The following NRCAM variants were observed in gnomAD, a reference collection of about 807,000 sequenced individuals.
The protein encoded by NRCAM is neuronal cell adhesion molecule.
In NRCAM, 83 loss-of-function variants were observed where a neutral mutation model predicts 156.5. The ratio of observed to expected loss-of-function variants is 0.53; its 90% CI spans 0.44 to 0.64. The LOEUF (loss-of-function observed/expected upper bound fraction) is 0.64. Ranked by LOEUF, NRCAM falls within the 30% of genes least tolerant of loss-of-function variation. The pLI is 0.00. For synonymous variants in NRCAM, 538 were observed against 563.9 expected (o/e 0.95, Z 0.65); for missense variants, 1,417 against 1,597.3 (o/e 0.89, Z 1.92).
At chr7:108,153,222 A>C (rs762869756) in intron 32 of NRCAM, among the ~76,000 whole-genome samples, 17 of 152,202 alleles carry the variant, frequency 1.1e-4, no homozygotes, top group Non-Finnish European at 2.4e-4. Context: ...AACCAAATTT[A>C]GCAATCTATG....
intron 2 of NRCAM, among the ~76,000 whole-genome samples, chr7:108,356,937 T>G (rs945914885): frequency 1.1e-4 from 16 of 152,288 alleles, no homozygotes; most frequent in Admixed American, 9.8e-4. Context: ...CATGATGGAA[T>G]TAGTGCCTTC....
intron 1 of NRCAM, among the ~76,000 whole-genome samples, chr7:108,445,465 GATAC>G (rs1843172759): frequency 6.6e-6 from 1 of 152,148 alleles, no homozygotes; most frequent in Non-Finnish European, 1.5e-5. Context: ...AAGAATACAT[GATAC>G]ATACGTATGC....
chr7:108,377,372 T>C (rs1001834347), intron 2 of NRCAM, among the ~76,000 whole-genome samples: 7 of 152,130 alleles, frequency 4.6e-5, no homozygotes, highest in African/African-American at 9.7e-5. Flanking sequence ...ATGAAAATAA[T>C]AATTAAAATA....
At chr7:108,392,750 G>A (rs1201549221) in intron 2 of NRCAM, among the ~76,000 whole-genome samples, 1 of 152,168 alleles carries the variant, frequency 6.6e-6, no homozygotes. Context: ...GGGTTTTGGT[G>A]TGGATGTCGT....
intron 3 of NRCAM, among the ~76,000 whole-genome samples, chr7:108,277,071 C>G (rs1365873736): frequency 6.6e-6 from 1 of 152,204 alleles, no homozygotes. Context: ...CCCCCACTCT[C>G]TTCTGGCTTG....
intron 1 of NRCAM, among the ~76,000 whole-genome samples, chr7:108,423,299 G>C (rs1183132160): frequency 6.6e-6 from 1 of 151,966 alleles, no homozygotes; most frequent in Non-Finnish European, 1.5e-5. Context: ...AAGAAGGAAG[G>C]GAAAGTGAAG....
intron 1 of NRCAM, among the ~76,000 whole-genome samples, chr7:108,436,969 T>C (rs1179181158): frequency 1.3e-5 from 2 of 152,218 alleles, no homozygotes; most frequent in African/African-American, 2.4e-5. Context: ...CGCATTCCCA[T>C]GTTTATTGCA....
At chr7:108,392,481 T>C (rs893751690) in intron 2 of NRCAM, among the ~76,000 whole-genome samples, 2 of 152,222 alleles carry the variant, frequency 1.3e-5, no homozygotes, top group African/African-American at 4.8e-5. Context: ...GTCTAATCTT[T>C]TTTCAAGGTT....
chr7:108,184,718 C>A, intron 20 of NRCAM, 104 bp from the exon 21 acceptor site: 1 of 851,486 alleles, frequency 1.2e-6, no homozygotes. Context: ...AGCAACCAAA[C>A]ATGAATTATT....
chr7:108,176,706 C>T (rs1296196528), intron 26 of NRCAM, 100 bp from the exon 27 acceptor site: 45 of 905,912 alleles, frequency 5.0e-5, no homozygotes, highest in South Asian at 1.7e-4. Context: ...ACCTGGCTTA[C>T]ATTGACTTTT....
rs954348433 is a variant in NRCAM, at chr7:108,388,912, G to GA, written c.-174+10523_-174+10524insT. On this transcript the variant is annotated intron_variant, in intron 2 of 32. Coordinates refer to ENST00000379028, the MANE Select transcript of NRCAM (RefSeq NM_001037132.4). ...TCTGAGGGCTCTGTTCTGTTCCATT[G>GA]TCTATATCTCTGTTTTGGTACCAGT... Among the ~76,000 whole-genome samples the GA allele has an allele frequency of 6.6e-5, 9 of 136,080 alleles. No individual in the cohort carries two copies. The South Asian group carries it at 8.3e-4, about 13-fold the overall frequency. 89.3% of individuals were successfully genotyped at this position (136,080 alleles called of 152,430 possible).
At chr7:108,271,772 T>C (rs1186290371) in intron 3 of NRCAM, among the ~76,000 whole-genome samples, 2 of 152,182 alleles carry the variant, frequency 1.3e-5, no homozygotes, top group Non-Finnish European at 2.9e-5. Flanking sequence ...CATTTACTTT[T>C]TGATTAAGTA....
rs369330719 is a variant in NRCAM at position 108,163,778 on chromosome 7, GC to G, written c.3466+3142del. Reference sequence around the variant, plus strand: ...ATGAGCAGTCATACCAGGTGGGGTGGCGGTAATGAGAGGTCATACCGGGTGG... The same window carrying G: ...ATGAGCAGTCATACCAGGTGGGGTGGGGTAATGAGAGGTCATACCGGGTGG... On this transcript the variant is annotated intron_variant, in intron 30 of 32. Coordinates refer to ENST00000379028, the MANE Select transcript of NRCAM (RefSeq NM_001037132.4). Among the ~76,000 whole-genome samples, 976 of 135,846 alleles carry G rather than the reference GC, an allele frequency of 7.2e-3. 1 individual carries two copies. The highest frequency in any genetic ancestry group is 0.014 in the Middle Eastern group (3 of 218). 89.1% of individuals were successfully genotyped at this position (135,846 alleles called of 152,430 possible).
chr7:108,407,545 A>C (rs1161635492), intron 1 of NRCAM, among the ~76,000 whole-genome samples: 1 of 152,198 alleles, frequency 6.6e-6, no homozygotes, highest in Non-Finnish European at 1.5e-5. Context: ...CAGCCAGCCC[A>C]AATGCCCACT....
At chr7:108,161,504 A>G (rs1181875229) in intron 30 of NRCAM, among the ~76,000 whole-genome samples, 1 of 152,154 alleles carries the variant, frequency 6.6e-6, no homozygotes, top group Non-Finnish European at 1.5e-5. Context: ...AAAGACCTTT[A>G]TTTTCTCTCT....
In NRCAM at chr7:108,240,145, C is replaced by T. The variant is rs538055474; in HGVS notation, c.-81G>A. The T allele has an allele frequency of 2.2e-5, 20 of 900,460 alleles. No homozygotes were observed. The highest frequency in any genetic ancestry group is 5.9e-5 in the South Asian group (4 of 68,336). The allele number at this position is 900,460 out of a possible 1,614,324, so 55.8% of individuals were successfully genotyped here. A position where few individuals can be genotyped will look rare whatever the true frequency, so the allele number is the denominator to read the frequency against. ...AGATTTTGTGAAACGTTGTGTGCAA[C>T]GTTTAAGTAATTTTCATGCGGGAAA... is the stretch of plus-strand genomic sequence containing the variant. On this transcript the variant is annotated 5_prime_UTR_variant, in exon 4 of 33. Transcript: ENST00000379028.
intron 2 of NRCAM, among the ~76,000 whole-genome samples, chr7:108,323,688 A>G (rs113410667): frequency 0.01 from 1,525 of 152,294 alleles, 32 homozygotes; most frequent in African/African-American, 0.035. Flanking sequence ...TCTGCACTCA[A>G]TAGCTTATAT....
intron 2 of NRCAM, among the ~76,000 whole-genome samples, chr7:108,384,053 C>G: frequency 6.6e-6 from 1 of 152,090 alleles, no homozygotes; most frequent in East Asian, 1.9e-4. Context: ...ATGATAAGAA[C>G]TTATGAAAAC....
At chr7:108,454,314 T>C (rs1853961916) in intron 1 of NRCAM, among the ~76,000 whole-genome samples, 1 of 152,216 alleles carries the variant, frequency 6.6e-6, no homozygotes, top group East Asian at 1.9e-4. Flanking sequence ...AGGTTTCCCC[T>C]AAACTGATAA....
Sources: allele counts gnomAD v4.1 joint callset (sites outside exome capture counted in the v4.1 genomes callset), GRCh38; gene constraint gnomAD v4.1.1; transcripts MANE v1.5; gene names NCBI Gene and HGNC (gene_info 2026-07-23, HGNC 2026-07-21).